ACOT13: variants seen among roughly 807,000 people sequenced by gnomAD.
ACOT13 encodes the protein acyl-CoA thioesterase 13, also known as acyl-coenzyme A thioesterase 13.
A neutral mutation model predicts 11.8 loss-of-function variants in ACOT13; 10 were observed. The observed-to-expected ratio is 0.85, with a 90% CI of 0.53 to 1.44. ACOT13 has a LOEUF of 1.44. Among genes scored for constraint, ACOT13 ranks in the 40% most tolerant of loss-of-function variants. The pLI, the probability that ACOT13 is intolerant of heterozygous loss-of-function variation, is 0.00. For missense variants in ACOT13, 172 were observed against 174.1 expected (o/e 0.99, Z 0.07); for synonymous variants, 53 against 61.0 (o/e 0.87, Z 0.61).
chr6:24,697,572 T>C (rs1188649075), intron 1 of ACOT13, among the ~76,000 whole-genome samples: 1 of 152,234 alleles, frequency 6.6e-6, no homozygotes, highest in Admixed American at 6.5e-5. Flanking sequence ...GTGGCTTTGT[T>C]GGCGTCGAAG....
At chr6:24,694,917 T>C (rs1778771128) in intron 1 of ACOT13, among the ~76,000 whole-genome samples, 1 of 152,128 alleles carries the variant, frequency 6.6e-6, no homozygotes, top group African/African-American at 2.4e-5. Context: ...ACTAGAAAAA[T>C]CTAACTGACA....
Position 24,667,111 on chromosome 6 carries a change from T to C in ACOT13, c.-153T>C. 3.4e-6 allele frequency: 3 copies of C among 875,418 alleles called. No homozygotes were observed. The highest frequency in any genetic ancestry group is 5.2e-6 in the Non-Finnish European group (3 of 578,222). 54.2% of individuals were successfully genotyped at this position (875,418 alleles called of 1,614,324 possible). On this transcript the variant is annotated 5_prime_UTR_variant, in exon 1 of 3. Transcript: ENST00000230048. ...ATCGCGGACCACCGGGGCTGCCAGC[T>C]CGCCTGACTCCCGGCCTCTTGCGCT...
chr6:24,674,214 A>G (rs902700348), intron 1 of ACOT13, among the ~76,000 whole-genome samples: 56 of 152,264 alleles, frequency 3.7e-4, no homozygotes, highest in African/African-American at 1.3e-3. Context: ...CGTGCACCAC[A>G]ATGCCCAACT....
At chr6:24,673,442 C>T (rs1282995651) in intron 1 of ACOT13, among the ~76,000 whole-genome samples, 2 of 152,144 alleles carry the variant, frequency 1.3e-5, no homozygotes, top group Non-Finnish European at 2.9e-5. Flanking sequence ...CTCACTGCAG[C>T]CTCTGCCTCT....
chr6:24,668,766 T>G (rs1393146181), intron 1 of ACOT13, among the ~76,000 whole-genome samples: 1 of 152,246 alleles, frequency 6.6e-6, no homozygotes, highest in Non-Finnish European at 1.5e-5. Context: ...GTTACATAGT[T>G]ACACTCCTAT....
chr6:24,672,850 G>T (rs1330052116), intron 1 of ACOT13, among the ~76,000 whole-genome samples: 2 of 152,140 alleles, frequency 1.3e-5, no homozygotes, highest in Non-Finnish European at 2.9e-5. Flanking sequence ...AGTCTTACCT[G>T]CCCACCTCTT....
rs774612551 is a variant in ACOT13, at chr6:24,703,013, A to C, written c.*1398A>C. The C allele has an allele frequency of 6.6e-6, 1 of 152,252 alleles. No homozygotes were observed. Among genetic ancestry groups the C allele is most frequent in the African/African-American group, 2.4e-5 (1 of 41,454 alleles). 9.4% of individuals were successfully genotyped at this position (152,252 alleles called of 1,614,324 possible). On this transcript the variant is annotated 3_prime_UTR_variant, in exon 3 of 3. Transcript: ENST00000230048. ...GACATTCTTCCACCTCAGTCTCCTG[A>C]GTAGCTGGAACTACAGGCGTGTGCC...
At chr6:24,684,010 A>G (rs1778593320) in intron 1 of ACOT13, among the ~76,000 whole-genome samples, 2 of 151,872 alleles carry the variant, frequency 1.3e-5, no homozygotes, top group South Asian at 2.1e-4. Flanking sequence ...GTTTTAATGC[A>G]TGCATGTCTG....
chr6:24,695,554 C>G (rs898363978), intron 1 of ACOT13, among the ~76,000 whole-genome samples: 8 of 152,266 alleles, frequency 5.3e-5, no homozygotes, highest in Admixed American at 5.2e-4. Context: ...CTGTCTACAA[C>G]AGTTTCTTCC....
intron 1 of ACOT13, among the ~76,000 whole-genome samples, chr6:24,691,497 G>A (rs1413286299): frequency 2.6e-5 from 4 of 152,148 alleles, no homozygotes; most frequent in Non-Finnish European, 5.9e-5. Flanking sequence ...AATAAAGGTG[G>A]AAGATAGAGA....
intron 1 of ACOT13, among the ~76,000 whole-genome samples, chr6:24,686,894 G>T (rs949040630): frequency 8.5e-5 from 13 of 152,116 alleles, no homozygotes; most frequent in African/African-American, 2.9e-4. Context: ...GTAAAAACAG[G>T]CCTCACTTTG....
At chr6:24,685,645 C>A (rs754910585) in intron 1 of ACOT13, among the ~76,000 whole-genome samples, 9 of 152,166 alleles carry the variant, frequency 5.9e-5, no homozygotes, top group Non-Finnish European at 1.3e-4. Context: ...CGCGCCCGGC[C>A]CTTTTACTGT....
chr6:24,691,014 G>A (rs1383971251), intron 1 of ACOT13, among the ~76,000 whole-genome samples: 2 of 152,096 alleles, frequency 1.3e-5, no homozygotes, highest in African/African-American at 4.8e-5. Context: ...CTGCTGATTT[G>A]TTTGTCTTCC....
intron 1 of ACOT13, among the ~76,000 whole-genome samples, chr6:24,686,351 A>G (rs935131253): frequency 2.0e-5 from 3 of 152,168 alleles, no homozygotes; most frequent in Non-Finnish European, 4.4e-5. Flanking sequence ...GCGTTGCTAT[A>G]AAGGAATACC....
chr6:24,685,537 A>C (rs978516097), intron 1 of ACOT13, among the ~76,000 whole-genome samples: 8 of 151,758 alleles, frequency 5.3e-5, no homozygotes, highest in Non-Finnish European at 8.8e-5. Context: ...TAGTAGAGAC[A>C]GGGTTTCACC....
At position 24,701,862 on chromosome 6, in the gene ACOT13, G is replaced by A. The variant is rs1778898065; in HGVS notation, c.*247G>A. 1.1e-5 allele frequency: 4 copies of A among 364,028 alleles called. No individual in the cohort carries two copies. The highest frequency in any genetic ancestry group is 2.0e-5 in the Non-Finnish European group (4 of 201,724). 22.5% of individuals were successfully genotyped at this position (364,028 alleles called of 1,614,324 possible). A position where few individuals can be genotyped will look rare whatever the true frequency, so the allele number is the denominator to read the frequency against. ...TTAGCTCAAAGTGTTTTAAAAACAG[G>A]TAAAGCAAAGAAACTAGCAGGACCA... On this transcript the variant is annotated 3_prime_UTR_variant, in exon 3 of 3. Transcript: ENST00000230048.
intron 2 of ACOT13, among the ~76,000 whole-genome samples, chr6:24,699,355 G>T (rs950770144): frequency 6.6e-6 from 1 of 151,864 alleles, no homozygotes; most frequent in African/African-American, 2.4e-5. Context: ...GACTACAGGC[G>T]CCTGCCACCA....
chr6:24,683,681 A>G lies in ACOT13; in HGVS notation c.82-14202A>G, dbSNP rs897487635. On this transcript the variant is annotated intron_variant, in intron 1 of 2. Coordinates refer to ENST00000230048, the MANE Select transcript of ACOT13 (RefSeq NM_018473.4). ...AAATGAACATTGGTTCGGTCTGGAAAGGTAGGACAACTCGAAGTAGGGAGG... is the reference window on the plus strand; with the variant it reads ...AAATGAACATTGGTTCGGTCTGGAAGGGTAGGACAACTCGAAGTAGGGAGG... Among the ~76,000 whole-genome samples the G allele has an allele frequency of 7.0e-5, 8 of 114,564 alleles. No homozygotes were observed. In the East Asian group the frequency reaches 1.6e-3, roughly 24 times the overall value. 75.2% of individuals were successfully genotyped at this position (114,564 alleles called of 152,430 possible). A position where few individuals can be genotyped will look rare whatever the true frequency, so the allele number is the denominator to read the frequency against.
intron 1 of ACOT13, chr6:24,687,667 G>A (rs1778653644): frequency 4.3e-6 from 6 of 1,410,430 alleles, no homozygotes; most frequent in Non-Finnish European, 5.7e-6. Flanking sequence ...AAGAAAGCAT[G>A]TAAAGAAGAC....
Sources: allele counts gnomAD v4.1 joint callset (sites outside exome capture counted in the v4.1 genomes callset), GRCh38; gene constraint gnomAD v4.1.1; transcripts MANE v1.5; gene names NCBI Gene and HGNC (gene_info 2026-07-23, HGNC 2026-07-21).